Variants in EPB41L2 observed in about 807,000 individuals in gnomAD.
EPB41L2 encodes the protein erythrocyte membrane protein band 4.1 like 2.
A neutral mutation model predicts 113.0 loss-of-function variants in EPB41L2; 43 were observed. The ratio of observed to expected loss-of-function variants is 0.38; its 90% CI spans 0.30 to 0.49. The LOEUF is 0.49. EPB41L2 is among the 20% of genes least tolerant of loss of function. The pLI, the probability that EPB41L2 is intolerant of heterozygous loss-of-function variation, is 0.95. For synonymous variants in EPB41L2, 442 were observed against 436.7 expected, an observed-to-expected ratio of 1.01 and a Z score of -0.15; for missense variants, 1,147 against 1,223.4, an observed-to-expected ratio of 0.94 and a Z score of 0.93.
At chr6:131,060,557 G>A (rs1443392536) in intron 1 of EPB41L2, among the ~76,000 whole-genome samples, 2 of 152,152 alleles carry the variant, frequency 1.3e-5, no homozygotes, top group Non-Finnish European at 2.9e-5. Flanking sequence ...CTAGTAATTT[G>A]GAAAGGGTAA....
chr6:130,943,444 T>C (rs1420556284), intron 3 of EPB41L2, among the ~76,000 whole-genome samples: 1 of 152,204 alleles, frequency 6.6e-6, no homozygotes, highest in Non-Finnish European at 1.5e-5. Flanking sequence ...AATTCAAAGA[T>C]CTAGTTCCTG....
At chr6:131,010,315 T>C (rs1786614548) in intron 1 of EPB41L2, among the ~76,000 whole-genome samples, 1 of 152,190 alleles carries the variant, frequency 6.6e-6, no homozygotes, top group Non-Finnish European at 1.5e-5. Flanking sequence ...TTCCAGGTGC[T>C]ACAAGAGTGC....
At chr6:130,998,882 G>A (rs556553261) in intron 1 of EPB41L2, among the ~76,000 whole-genome samples, 2 of 152,080 alleles carry the variant, frequency 1.3e-5, no homozygotes, top group African/African-American at 4.8e-5. Flanking sequence ...ACTCCACTGA[G>A]AGAGGAAAGC....
intron 1 of EPB41L2, among the ~76,000 whole-genome samples, chr6:130,967,019 G>A (rs540093008): frequency 7.2e-5 from 11 of 152,182 alleles, no homozygotes; most frequent in African/African-American, 2.4e-4. Context: ...AGTAGTTTAA[G>A]CTCAACACCC....
At chr6:130,901,317 ATCT>A in intron 6 of EPB41L2, 137 bp from the exon 7 acceptor site, 1 of 684,492 alleles carries the variant, frequency 1.5e-6, no homozygotes, top group Non-Finnish European at 2.4e-6. Context: ...AGCAAAAATC[ATCT>A]TCTCTAATAA....
chr6:131,050,287 C>T (rs887527707), intron 1 of EPB41L2, among the ~76,000 whole-genome samples: 2 of 151,946 alleles, frequency 1.3e-5, no homozygotes, highest in African/African-American at 4.8e-5. Context: ...TGCAGTGAGC[C>T]AAGATTGCGC....
chr6:131,017,579 C>T (rs1169042365), intron 1 of EPB41L2, among the ~76,000 whole-genome samples: 1 of 152,108 alleles, frequency 6.6e-6, no homozygotes, highest in Non-Finnish European at 1.5e-5. Flanking sequence ...ATAAAATATA[C>T]TTTATTTTTC....
At chr6:130,903,575 T>C (rs1483976658) in intron 6 of EPB41L2, among the ~76,000 whole-genome samples, 1 of 152,132 alleles carries the variant, frequency 6.6e-6, no homozygotes, top group Non-Finnish European at 1.5e-5. Context: ...GCAGACTCTT[T>C]TGCTAAGCCC....
At chr6:130,870,903 T>C (rs188164833) in intron 14 of EPB41L2, among the ~76,000 whole-genome samples, 28 of 152,016 alleles carry the variant, frequency 1.8e-4, no homozygotes, top group Non-Finnish European at 5.9e-5. Flanking sequence ...ATTCCAGAAA[T>C]GGTTATTAAC....
At chr6:131,034,710 T>TA (rs1343678330) in intron 1 of EPB41L2, among the ~76,000 whole-genome samples, 1 of 152,144 alleles carries the variant, frequency 6.6e-6, no homozygotes, top group East Asian at 1.9e-4. Flanking sequence ...GCATTCATTT[T>TA]AAAAAAGGTT....
At chr6:130,876,298 T>TG (rs1263063219) in intron 14 of EPB41L2, among the ~76,000 whole-genome samples, 1 of 152,118 alleles carries the variant, frequency 6.6e-6, no homozygotes, top group Non-Finnish European at 1.5e-5. Context: ...ATTAGTAAAC[T>TG]CATCATCTAA....
At chr6:130,953,261 C>T (rs1353006091) in intron 3 of EPB41L2, among the ~76,000 whole-genome samples, 1 of 152,060 alleles carries the variant, frequency 6.6e-6, no homozygotes, top group East Asian at 1.9e-4. Flanking sequence ...ATCCCTAAGA[C>T]CTCTCCTCTC....
intron 1 of EPB41L2, among the ~76,000 whole-genome samples, chr6:131,050,713 A>G (rs1471208959): frequency 6.6e-6 from 1 of 152,252 alleles, no homozygotes; most frequent in East Asian, 1.9e-4. Context: ...CAGAACCTGC[A>G]TATGTTCAAA....
At chr6:130,912,311 C>T (rs991684153) in intron 4 of EPB41L2, among the ~76,000 whole-genome samples, 4 of 152,148 alleles carry the variant, frequency 2.6e-5, no homozygotes, top group African/African-American at 9.7e-5. Context: ...CTTATTAGTA[C>T]ACAGAAAATA....
chr6:130,978,947 G>C (rs1240522084), intron 1 of EPB41L2, among the ~76,000 whole-genome samples: 1 of 152,172 alleles, frequency 6.6e-6, no homozygotes, highest in Non-Finnish European at 1.5e-5. Context: ...GGAACAGTAA[G>C]TGAAGGACAC....
intron 1 of EPB41L2, among the ~76,000 whole-genome samples, chr6:131,023,743 A>ATG (rs1174342425): frequency 2.4e-4 from 24 of 100,718 alleles, no homozygotes; most frequent in South Asian, 7.1e-4. Flanking sequence ...ATATATCTAT[A>ATG]TATCTATATA....
chr6:130,976,555 G>C (rs1261963525), intron 1 of EPB41L2, among the ~76,000 whole-genome samples: 1 of 152,192 alleles, frequency 6.6e-6, no homozygotes, highest in African/African-American at 2.4e-5. Flanking sequence ...AAGGGGTATA[G>C]AGAGAAAGTG....
chr6:130,858,966 C>T (rs1781142200), intron 18 of EPB41L2, among the ~76,000 whole-genome samples: 1 of 152,204 alleles, frequency 6.6e-6, no homozygotes, highest in Non-Finnish European at 1.5e-5. Flanking sequence ...TTTCTCAAGG[C>T]CATCCAGCCT....
rs368027019 is a variant in EPB41L2 at position 130,987,133 on chromosome 6, T to C, written c.-14-30634A>G. Among the ~76,000 whole-genome samples the C allele has an allele frequency of 1.1e-4, 16 of 152,342 alleles. 1 individual carries two copies. In the East Asian group the frequency reaches 2.7e-3, roughly 26 times the overall value. ...GGGTGTTTATCCATTCATCAATTGA[T>C]GGATATTTGGGTTGTGTCTGCCTTT... On this transcript the variant is annotated intron_variant, in intron 1 of 19. Transcript: ENST00000337057.
Sources: allele counts gnomAD v4.1 joint callset (sites outside exome capture counted in the v4.1 genomes callset), GRCh38; gene constraint gnomAD v4.1.1; transcripts MANE v1.5; gene names NCBI Gene and HGNC (gene_info 2026-07-23, HGNC 2026-07-21).